The following PLEKHA5 variants were observed in gnomAD, a reference collection of about 807,000 sequenced individuals.
The protein encoded by PLEKHA5 is pleckstrin homology domain containing A5.
Under a neutral mutation model 181.9 loss-of-function variants are expected in PLEKHA5, and 55 were observed. The ratio of observed to expected loss-of-function variants is 0.30; its 90% CI spans 0.24 to 0.38. The LOEUF (loss-of-function observed/expected upper bound fraction) is 0.38, where lower values mean the gene tolerates loss of function less well. Ranked by LOEUF, PLEKHA5 falls within the 10% of genes least tolerant of loss-of-function variation. The probability of loss-of-function intolerance (pLI) is 1.00; values close to 1 mark genes in which losing one functional copy is unlikely to be tolerated. For missense variants in PLEKHA5, 1,432 were observed against 1,549.5 expected, an observed-to-expected ratio of 0.92 and a Z score of 1.27; for synonymous variants, 535 against 529.4, an observed-to-expected ratio of 1.01 and a Z score of -0.15.
Position 19,315,561 on chromosome 12 carries a change from AT to A in PLEKHA5, c.2118+668del, listed in dbSNP as rs796990829. Among the ~76,000 whole-genome samples, 116 of 151,802 alleles carry A rather than the reference AT, an allele frequency of 7.6e-4. 1 individual carries two copies. The highest frequency in any genetic ancestry group is 2.6e-3 in the African/African-American group (109 of 41,474). ...TCTGCAGATCTGCAAAAGAAGTCAT[AT>A]GTTTCTATCAAATTTTTGTGTATCT... On this transcript the variant is annotated intron_variant, in intron 16 of 31. Coordinates refer to ENST00000429027, the MANE Select transcript of PLEKHA5 (RefSeq NM_001256470.2).
intron 25 of PLEKHA5, among the ~76,000 whole-genome samples, chr12:19,350,919 T>G (rs1055773490): frequency 2.6e-5 from 4 of 152,030 alleles, no homozygotes; most frequent in Non-Finnish European, 4.4e-5. Flanking sequence ...ATACACCTTT[T>G]CTTTCTCATC....
chr12:19,200,441 A>G, intron 3 of PLEKHA5: 1 of 1,481,880 alleles, frequency 6.7e-7, no homozygotes, highest in South Asian at 1.3e-5. Context: ...AGTTGACAAA[A>G]CAGCATATTC....
At chr12:19,330,641 C>G (rs2092748382) in intron 20 of PLEKHA5, among the ~76,000 whole-genome samples, 1 of 152,102 alleles carries the variant, frequency 6.6e-6, no homozygotes, top group Non-Finnish European at 1.5e-5. Flanking sequence ...GCCAGGAAAT[C>G]TCTACATCCT....
At chr12:19,223,731 A>C (rs1196283268) in intron 3 of PLEKHA5, among the ~76,000 whole-genome samples, 1 of 152,150 alleles carries the variant, frequency 6.6e-6, no homozygotes, top group East Asian at 1.9e-4. Flanking sequence ...ATCTTACATC[A>C]GAGATTAACT....
At chr12:19,211,327 C>CT in intron 3 of PLEKHA5, among the ~76,000 whole-genome samples, 1 of 152,032 alleles carries the variant, frequency 6.6e-6, no homozygotes. Context: ...AAATTAAGGA[C>CT]TTTGAGATGA....
intron 3 of PLEKHA5, among the ~76,000 whole-genome samples, chr12:19,185,715 G>A (rs2049689561): frequency 1.3e-5 from 2 of 152,150 alleles, no homozygotes; most frequent in African/African-American, 2.4e-5. Flanking sequence ...CATGAAGAAT[G>A]CCTGTGTACT....
intron 3 of PLEKHA5, among the ~76,000 whole-genome samples, chr12:19,135,323 G>A (rs996920625): frequency 3.9e-5 from 6 of 152,088 alleles, no homozygotes; most frequent in Non-Finnish European, 8.8e-5. Context: ...GAACTGAAAT[G>A]TGGTCTTGAC....
rs1000896931 is a variant in PLEKHA5 at position 19,347,164 on chromosome 12, A to G, written c.2880A>G (p.Pro960=). ...EKKMYQVQGY[P]RNGSHCGPDY... ...AGATGTATCAAGTTCAAGGATATCCAAGAAATGGATCTCACTGTGTAAGTG... is the reference window on the plus strand; with the variant it reads ...AGATGTATCAAGTTCAAGGATATCCGAGAAATGGATCTCACTGTGTAAGTG... Residue 960 remains proline, a synonymous_variant, in exon 24 of 32, where the codon CCA becomes CCG. Coordinates refer to ENST00000429027, the MANE Select transcript of PLEKHA5 (RefSeq NM_001256470.2). 14 of 1,545,310 alleles carry G rather than the reference A, an allele frequency of 9.1e-6. No individual in the cohort carries two copies. The East Asian group carries it at 3.4e-4, about 38-fold the overall frequency.
At chr12:19,221,259 T>C (rs2058888292) in intron 3 of PLEKHA5, among the ~76,000 whole-genome samples, 2 of 152,156 alleles carry the variant, frequency 1.3e-5, no homozygotes, top group African/African-American at 2.4e-5. Context: ...TTTCAGTGGG[T>C]GAATGAATAA....
chr12:19,224,639 A>G (rs2059435307), intron 3 of PLEKHA5, among the ~76,000 whole-genome samples: 1 of 152,224 alleles, frequency 6.6e-6, no homozygotes, highest in South Asian at 2.1e-4. Context: ...AATAAATATG[A>G]CTAAGTTACA....
At chr12:19,136,188 AATCTTT>A (rs1364061623) in intron 3 of PLEKHA5, among the ~76,000 whole-genome samples, 1 of 152,082 alleles carries the variant, frequency 6.6e-6, no homozygotes, top group African/African-American at 2.4e-5. Flanking sequence ...CCTGGCCAAA[AATCTTT>A]ATCTTTAAAG....
At chr12:19,258,674 C>T (rs1003385532) in intron 6 of PLEKHA5, among the ~76,000 whole-genome samples, 12 of 151,000 alleles carry the variant, frequency 7.9e-5, no homozygotes, top group Non-Finnish European at 1.3e-4. Context: ...AAGCAATTCT[C>T]CTGCCTCAGC....
chr12:19,306,562 C>T, intron 15 of PLEKHA5: 1 of 767,056 alleles, frequency 1.3e-6, no homozygotes, highest in South Asian at 1.3e-5. Flanking sequence ...ACACTACCAT[C>T]GTCCCCAGCA....
intron 3 of PLEKHA5, among the ~76,000 whole-genome samples, chr12:19,247,978 G>A (rs1202748002): frequency 4.0e-5 from 6 of 151,372 alleles, no homozygotes; most frequent in African/African-American, 1.5e-4. Flanking sequence ...TGCTGCCCAG[G>A]CTGGAGTGCA....
At chr12:19,204,105 C>T (rs978226266) in intron 3 of PLEKHA5, among the ~76,000 whole-genome samples, 2 of 152,024 alleles carry the variant, frequency 1.3e-5, no homozygotes, top group Admixed American at 1.3e-4. Context: ...TACCTTCCCA[C>T]ACCCTCCATG....
chr12:19,218,010 G>A (rs2058272075), intron 3 of PLEKHA5, among the ~76,000 whole-genome samples: 1 of 152,162 alleles, frequency 6.6e-6, no homozygotes, highest in Admixed American at 6.5e-5. Context: ...AGTTTAGCTG[G>A]ATGACTGCCT....
intron 28 of PLEKHA5, among the ~76,000 whole-genome samples, chr12:19,360,409 C>T (rs926764373): frequency 1.2e-4 from 18 of 151,842 alleles, no homozygotes; most frequent in African/African-American, 4.1e-4. Flanking sequence ...AGTTCGAGAT[C>T]AGCCTCGCAA....
chr12:19,216,751 T>C (rs1277941608), intron 3 of PLEKHA5, among the ~76,000 whole-genome samples: 1 of 152,108 alleles, frequency 6.6e-6, no homozygotes, highest in Non-Finnish European at 1.5e-5. Context: ...AGAACCGTTA[T>C]TAGGACAGGG....
intron 3 of PLEKHA5, among the ~76,000 whole-genome samples, chr12:19,133,511 C>G (rs575727992): frequency 6.6e-6 from 1 of 151,896 alleles, no homozygotes; most frequent in Non-Finnish European, 1.5e-5. Context: ...ATAACAGATA[C>G]CTAGCTAAAG....
Sources: gnomAD v4.1 joint callset for allele counts (sites outside exome capture counted in the v4.1 genomes callset) on GRCh38, gnomAD v4.1.1 for gene constraint, MANE v1.5 for transcripts, NCBI Gene and HGNC (gene_info 2026-07-23, HGNC 2026-07-21) for gene names.